CDC42BPA: variants seen among roughly 807,000 people sequenced by gnomAD.
The protein encoded by CDC42BPA is CDC42 binding protein kinase alpha, also known as serine/threonine-protein kinase MRCK alpha.
Under a neutral mutation model 223.5 loss-of-function variants are expected in CDC42BPA, and 80 were observed. The ratio of observed to expected loss-of-function variants is 0.36; its 90% CI spans 0.30 to 0.43. CDC42BPA has a LOEUF of 0.43. Ranked by LOEUF, CDC42BPA falls within the 20% of genes least tolerant of loss-of-function variation. The probability of loss-of-function intolerance (pLI) is 1.00; values close to 1 mark genes in which losing one functional copy is unlikely to be tolerated. For synonymous variants in CDC42BPA, 694 were observed against 718.6 expected, an observed-to-expected ratio of 0.97 and a Z score of 0.55; for missense variants, 1,743 against 2,099.9, an observed-to-expected ratio of 0.83 and a Z score of 3.32.
intron 5 of CDC42BPA, 46 bp from the exon 6 acceptor site, chr1:227,160,682 T>A: frequency 1.9e-6 from 2 of 1,034,434 alleles, no homozygotes; most frequent in Non-Finnish European, 2.9e-6. Flanking sequence ...AATAAACAAT[T>A]CATTGTTTGG....
At chr1:227,246,393 C>T (rs1680958701) in intron 2 of CDC42BPA, among the ~76,000 whole-genome samples, 1 of 152,094 alleles carries the variant, frequency 6.6e-6, no homozygotes, top group Non-Finnish European at 1.5e-5. Flanking sequence ...ACTCACCACC[C>T]TGAAGGGAAG....
At chr1:227,130,743 T>C (rs900449450) in intron 10 of CDC42BPA, among the ~76,000 whole-genome samples, 1 of 152,112 alleles carries the variant, frequency 6.6e-6, no homozygotes, top group Non-Finnish European at 1.5e-5. Context: ...TAATACCAGC[T>C]ACTCGGGAGG....
intron 1 of CDC42BPA, among the ~76,000 whole-genome samples, chr1:227,279,420 T>G (rs1687660934): frequency 6.6e-6 from 1 of 152,122 alleles, no homozygotes; most frequent in South Asian, 2.1e-4. Flanking sequence ...AATAGAAAAC[T>G]TAGTAGACTG....
intron 4 of CDC42BPA, among the ~76,000 whole-genome samples, chr1:227,195,894 A>T (rs6426585): frequency 6.6e-6 from 1 of 152,094 alleles, no homozygotes; most frequent in East Asian, 1.9e-4. Flanking sequence ...AGCCCCTTCC[A>T]ATTGTTAAGA....
At chr1:227,132,278 G>A (rs960807354) in intron 10 of CDC42BPA, among the ~76,000 whole-genome samples, 1 of 152,154 alleles carries the variant, frequency 6.6e-6, no homozygotes, top group Non-Finnish European at 1.5e-5. Context: ...TGCCTCAGGC[G>A]CGCCGCCACA....
intron 14 of CDC42BPA, among the ~76,000 whole-genome samples, chr1:227,108,308 T>C (rs72748192): frequency 0.17 from 25,856 of 152,176 alleles, 2,345 homozygotes; most frequent in Non-Finnish European, 0.19. Context: ...GTATTTTCAT[T>C]TTCATTCACG....
At chr1:227,130,643 T>C (rs928345481) in intron 10 of CDC42BPA, among the ~76,000 whole-genome samples, 2 of 151,810 alleles carry the variant, frequency 1.3e-5, no homozygotes, top group Non-Finnish European at 2.9e-5. Flanking sequence ...TCACCTGAGG[T>C]TGGGAGTTTG....
chr1:227,116,493 G>A (rs183249118), intron 12 of CDC42BPA, among the ~76,000 whole-genome samples: 3 of 152,240 alleles, frequency 2.0e-5, no homozygotes, highest in South Asian at 2.1e-4. Flanking sequence ...CTTTAAAATC[G>A]GGGAACAAGA....
At chr1:227,253,861 T>A (rs904520775) in intron 2 of CDC42BPA, among the ~76,000 whole-genome samples, 2 of 152,014 alleles carry the variant, frequency 1.3e-5, no homozygotes, top group Admixed American at 1.3e-4. Context: ...TTAGAAAAAA[T>A]TCCCAGTAGA....
In CDC42BPA at chr1:226,992,608, C is replaced by T. The variant is rs1180998500; in HGVS notation, c.*1660G>A. The T allele has an allele frequency of 6.6e-6, 1 of 152,268 alleles. No individual in the cohort carries two copies. Among genetic ancestry groups the T allele is most frequent in the African/African-American group, 2.4e-5 (1 of 41,462 alleles). 9.4% of individuals were successfully genotyped at this position (152,268 alleles called of 1,614,324 possible). ...AATGATGGCCTTAAACACTGCAACT[C>T]AGGTTAGCAACTGCAGGAAAACTTT... On this transcript the variant is annotated 3_prime_UTR_variant, in exon 37 of 37. Coordinates refer to ENST00000366766, the MANE Select transcript of CDC42BPA (RefSeq NM_001394014.1).
intron 3 of CDC42BPA, among the ~76,000 whole-genome samples, chr1:227,207,037 C>T (rs947402961): frequency 6.7e-6 from 1 of 148,918 alleles, no homozygotes; most frequent in African/African-American, 2.5e-5. Context: ...CCCATTAACT[C>T]GTCATTTAGC....
At chr1:227,089,701 CTAGGCCTAAGTA>C (rs1390698694) in intron 16 of CDC42BPA, among the ~76,000 whole-genome samples, 10 of 141,574 alleles carry the variant, frequency 7.1e-5, no homozygotes, top group Non-Finnish European at 1.4e-4. Flanking sequence ...ATTACATATA[CTAGGCCTAAGTA>C]TGTCCATTTC....
Position 226,990,182 on chromosome 1 carries a change from T to TACA in CDC42BPA, c.*4085_*4086insTGT, listed in dbSNP as rs3835713. ...CAGGCCATGCAAAACTGTACAATAT[T>TACA]ACGAGAAAAACCCTAAAAAATTTAT... On this transcript the variant is annotated 3_prime_UTR_variant, in exon 37 of 37. Transcript: ENST00000366766. The TACA allele has an allele frequency of 0.39, 58,516 of 151,828 alleles. 11,747 individuals carry two copies. The highest frequency in any genetic ancestry group is 0.46 in the Non-Finnish European group (31,250 of 67,876). The allele number at this position is 151,828 out of a possible 1,614,324, so 9.4% of individuals were successfully genotyped here. A position where few individuals can be genotyped will look rare whatever the true frequency, so the allele number is the denominator to read the frequency against.
intron 1 of CDC42BPA, among the ~76,000 whole-genome samples, chr1:227,309,040 G>T (rs905566793): frequency 2.0e-5 from 3 of 151,872 alleles, no homozygotes; most frequent in African/African-American, 7.3e-5. Context: ...TGGTGAGGAA[G>T]AGTTAAAGAG....
At chr1:227,031,893 G>T (rs77063344) in intron 27 of CDC42BPA, among the ~76,000 whole-genome samples, 3,999 of 152,036 alleles carry the variant, frequency 0.026, 194 homozygotes, top group African/African-American at 0.092. Context: ...TGTTAACATC[G>T]TCATGATTTA....
At chr1:227,096,464 A>G (rs1513600) in intron 15 of CDC42BPA, among the ~76,000 whole-genome samples, 23,496 of 152,190 alleles carry the variant, frequency 0.15, 2,198 homozygotes, top group African/African-American at 0.25. Flanking sequence ...AGATTCTGTA[A>G]CTACTTTTTC....
intron 30 of CDC42BPA, among the ~76,000 whole-genome samples, chr1:227,027,222 T>C (rs1668424374): frequency 6.6e-6 from 1 of 152,162 alleles, no homozygotes; most frequent in Admixed American, 6.5e-5. Flanking sequence ...CATCCCAGGA[T>C]GGAGGGTGGG....
At chr1:227,172,247 AAC>A (rs1666224772) in intron 5 of CDC42BPA, among the ~76,000 whole-genome samples, 1 of 152,194 alleles carries the variant, frequency 6.6e-6, no homozygotes, top group Admixed American at 6.5e-5. Flanking sequence ...CATTTGAGAA[AAC>A]AGTTATTCAA....
Position 226,992,090 on chromosome 1 carries a change from G to C in CDC42BPA, c.*2178C>G, listed in dbSNP as rs935369818. 9.9e-5 allele frequency: 15 copies of C among 151,338 alleles called. No homozygotes were observed. The highest frequency in any genetic ancestry group is 3.4e-4 in the African/African-American group (14 of 41,132). 9.4% of individuals were successfully genotyped at this position (151,338 alleles called of 1,614,324 possible). On this transcript the variant is annotated 3_prime_UTR_variant, in exon 37 of 37. Transcript: ENST00000366766. ...GAGAGGAGAGAAGGGTGGACAGAAG[G>C]GGTGCGAGCTGGTCACGAGCACCAA... is the stretch of plus-strand genomic sequence containing the variant.
Sources: allele counts gnomAD v4.1 joint callset (sites outside exome capture counted in the v4.1 genomes callset), GRCh38; gene constraint gnomAD v4.1.1; transcripts MANE v1.5; gene names NCBI Gene and HGNC (gene_info 2026-07-23, HGNC 2026-07-21).